The following SLC9A9 variants were observed in gnomAD, a reference collection of about 807,000 sequenced individuals.
SLC9A9 encodes sodium/hydrogen exchanger 9.
A neutral mutation model predicts 77.8 loss-of-function variants in SLC9A9; 62 were observed. That is an observed-to-expected ratio of 0.80 (90% CI 0.65 to 0.98). SLC9A9 has a LOEUF of 0.98. Ranked by LOEUF, SLC9A9 falls within the 50% of genes least tolerant of loss-of-function variation. SLC9A9 has a pLI of 0.00. For synonymous variants in SLC9A9, 320 were observed against 283.5 expected (o/e 1.13, Z -1.29); for missense variants, 775 against 774.9 (o/e 1.00, Z 0.00).
At chr3:143,805,376 G>A (rs530162619) in intron 2 of SLC9A9, among the ~76,000 whole-genome samples, 2 of 151,784 alleles carry the variant, frequency 1.3e-5, no homozygotes, top group Non-Finnish European at 1.5e-5. Flanking sequence ...GAGAAACATC[G>A]CCCATTATCT....
At chr3:143,486,462 G>A (rs887534191) in intron 11 of SLC9A9, among the ~76,000 whole-genome samples, 1 of 152,024 alleles carries the variant, frequency 6.6e-6, no homozygotes, top group African/African-American at 2.4e-5. Context: ...TGTGATTTAA[G>A]AGATGAATAC....
chr3:143,752,273 C>T (rs1461118434), intron 4 of SLC9A9, among the ~76,000 whole-genome samples: 1 of 152,168 alleles, frequency 6.6e-6, no homozygotes, highest in African/African-American at 2.4e-5. Flanking sequence ...ACAAACTATT[C>T]ACAGGCTTCT....
chr3:143,531,056 A>G (rs2036503044), intron 9 of SLC9A9, among the ~76,000 whole-genome samples: 1 of 152,356 alleles, frequency 6.6e-6, no homozygotes, highest in South Asian at 2.1e-4. Context: ...AGCCACAAAC[A>G]TTTTGTAAAA....
intron 13 of SLC9A9, among the ~76,000 whole-genome samples, chr3:143,369,632 T>C (rs1439254295): frequency 6.6e-6 from 1 of 152,106 alleles, no homozygotes; most frequent in Non-Finnish European, 1.5e-5. Flanking sequence ...AATTATTACG[T>C]GCCAGTTAAA....
chr3:143,401,539 G>C (rs1229880664), intron 12 of SLC9A9, among the ~76,000 whole-genome samples: 1 of 152,158 alleles, frequency 6.6e-6, no homozygotes, highest in Non-Finnish European at 1.5e-5. Context: ...TGGAAACTAA[G>C]TTTTCAGGGA....
chr3:143,724,303 C>T (rs906880480), intron 4 of SLC9A9, among the ~76,000 whole-genome samples: 6 of 152,194 alleles, frequency 3.9e-5, no homozygotes, highest in African/African-American at 1.4e-4. Context: ...CTCTGCTTCC[C>T]CTTTGCCTTC....
At chr3:143,394,833 G>T (rs1213257776) in intron 12 of SLC9A9, among the ~76,000 whole-genome samples, 1 of 152,158 alleles carries the variant, frequency 6.6e-6, no homozygotes. Flanking sequence ...AATCATGAGT[G>T]AAATCCCATT....
intron 12 of SLC9A9, among the ~76,000 whole-genome samples, chr3:143,398,533 G>A (rs1013267880): frequency 3.9e-5 from 6 of 152,260 alleles, no homozygotes; most frequent in African/African-American, 1.4e-4. Context: ...TTGGGAAGAG[G>A]ATCTGAAGTT....
intron 4 of SLC9A9, among the ~76,000 whole-genome samples, chr3:143,792,471 G>A (rs918714824): frequency 6.6e-6 from 1 of 152,166 alleles, no homozygotes; most frequent in Non-Finnish European, 1.5e-5. Flanking sequence ...CAAGTGTAAA[G>A]TCACCCATTA....
chr3:143,581,503 C>T (rs1403753637), intron 6 of SLC9A9, among the ~76,000 whole-genome samples: 2 of 151,816 alleles, frequency 1.3e-5, no homozygotes, highest in Non-Finnish European at 2.9e-5. Flanking sequence ...TCCTACCTTC[C>T]CTCCCTCCCT....
chr3:143,422,481 G>A (rs936545644), intron 12 of SLC9A9, among the ~76,000 whole-genome samples: 20 of 152,156 alleles, frequency 1.3e-4, no homozygotes, highest in African/African-American at 4.8e-4. Context: ...ATCATCCTTA[G>A]CGAGTTAACA....
chr3:143,614,382 A>C (rs918768285), intron 6 of SLC9A9, among the ~76,000 whole-genome samples: 2 of 152,202 alleles, frequency 1.3e-5, no homozygotes, highest in Non-Finnish European at 1.5e-5. Context: ...TGATTTGATC[A>C]GGCTTGCAAC....
chr3:143,811,615 G>A (rs1282795553), intron 2 of SLC9A9: 6 of 451,118 alleles, frequency 1.3e-5, no homozygotes, highest in Admixed American at 2.4e-5. Flanking sequence ...GGAGGCCGAC[G>A]TGGGTGGATC....
intron 2 of SLC9A9, among the ~76,000 whole-genome samples, chr3:143,812,108 G>T (rs1227911348): frequency 6.6e-6 from 1 of 152,148 alleles, no homozygotes; most frequent in African/African-American, 2.4e-5. Flanking sequence ...ACTCAAACCT[G>T]TTGAGCTATT....
intron 6 of SLC9A9, among the ~76,000 whole-genome samples, chr3:143,611,905 G>A (rs1272213608): frequency 6.6e-6 from 1 of 151,724 alleles, no homozygotes; most frequent in Admixed American, 6.6e-5. Flanking sequence ...GGCTAATTAA[G>A]AAAAAAAATA....
At chr3:143,561,993 A>C (rs1169895312) in intron 8 of SLC9A9, among the ~76,000 whole-genome samples, 1 of 152,190 alleles carries the variant, frequency 6.6e-6, no homozygotes. Context: ...TAGTAATCTA[A>C]ACTTAGACAA....
intron 4 of SLC9A9, among the ~76,000 whole-genome samples, chr3:143,701,668 G>A (rs757228561): frequency 8.5e-5 from 13 of 152,094 alleles, no homozygotes; most frequent in Non-Finnish European, 1.6e-4. Flanking sequence ...CAGGATCTAG[G>A]AAATAGCCTC....
intron 5 of SLC9A9, among the ~76,000 whole-genome samples, chr3:143,674,469 C>A (rs148520328): frequency 5.2e-4 from 79 of 152,306 alleles, no homozygotes; most frequent in African/African-American, 1.8e-3. Context: ...CTCTTAGATG[C>A]TTTCACCCAT....
chr3:143,314,543 CAG>C (rs1179145911), intron 14 of SLC9A9: 1 of 152,236 alleles, frequency 6.6e-6, no homozygotes, highest in African/African-American at 2.4e-5. Flanking sequence ...CAAATGAACT[CAG>C]AATTTAAAAC....
Sources: gnomAD v4.1 joint callset for allele counts (sites outside exome capture counted in the v4.1 genomes callset) on GRCh38, gnomAD v4.1.1 for gene constraint, MANE v1.5 for transcripts, NCBI Gene and HGNC (gene_info 2026-07-23, HGNC 2026-07-21) for gene names.